Variants in GRID2 observed in about 807,000 individuals in gnomAD.
GRID2 encodes the protein glutamate receptor ionotropic, delta-2.
In GRID2, 33 loss-of-function variants were observed where a neutral mutation model predicts 114.8. The ratio of observed to expected loss-of-function variants is 0.29; its 90% CI spans 0.22 to 0.38. GRID2 has a LOEUF of 0.38. Ranked by LOEUF, GRID2 falls within the 10% of genes least tolerant of loss-of-function variation. GRID2 has a pLI of 1.00. For missense variants in GRID2, 1,184 were observed against 1,257.7 expected (o/e 0.94, Z 0.89); for synonymous variants, 505 against 449.9 (o/e 1.12, Z -1.55).
rs564260285 is a variant in GRID2, at chr4:92,826,340, A to G, written c.244+236054A>G. 6.1e-4 allele frequency among the ~76,000 whole-genome samples: 93 copies of G among 152,146 alleles called. 1 individual carries two copies. The highest frequency in any genetic ancestry group is 2.2e-3 in the African/African-American group (91 of 41,524). On this transcript the variant is annotated intron_variant, in intron 2 of 15. Transcript: ENST00000282020. ...CTCTTTACATTAATCTTCCTCTCTCATTGAGGCTTTTCCTGGATGCACCAT... is the reference window on the plus strand; with the variant it reads ...CTCTTTACATTAATCTTCCTCTCTCGTTGAGGCTTTTCCTGGATGCACCAT...
intron 8 of GRID2, among the ~76,000 whole-genome samples, chr4:93,279,580 T>C (rs1752435955): frequency 6.6e-6 from 1 of 151,930 alleles, no homozygotes. Flanking sequence ...TAATCTATTA[T>C]GAGTCGAGAA....
chr4:93,448,878 C>T (rs1246913810), intron 10 of GRID2, among the ~76,000 whole-genome samples: 2 of 25,954 alleles, frequency 7.7e-5, no homozygotes, highest in Non-Finnish European at 1.3e-4. Context: ...TTCCCCTTCC[C>T]TTCCCCTTCC....
chr4:93,226,528 G>A (rs1316128240), intron 7 of GRID2, among the ~76,000 whole-genome samples: 1 of 152,208 alleles, frequency 6.6e-6, no homozygotes, highest in Non-Finnish European at 1.5e-5. Context: ...CGCTGAGACA[G>A]GGATTGGGCC....
chr4:93,802,117 C>T (rs4327453), intron 1 of GRID2, among the ~76,000 whole-genome samples: 139,127 of 152,300 alleles, frequency 0.91, 63,757 homozygotes, highest in East Asian at 1. Flanking sequence ...GAAGTTCTTT[C>T]TGCCGCAGGG....
At chr4:92,791,794 G>T (rs1159557876) in intron 2 of GRID2, among the ~76,000 whole-genome samples, 4 of 151,896 alleles carry the variant, frequency 2.6e-5, no homozygotes, top group South Asian at 4.1e-4. Context: ...TTTATAAGCA[G>T]TGTTAGTTCC....
chr4:93,603,036 C>T (rs916599948), intron 13 of GRID2, among the ~76,000 whole-genome samples: 1 of 152,088 alleles, frequency 6.6e-6, no homozygotes, highest in Non-Finnish European at 1.5e-5. Flanking sequence ...ATGGTGAAAC[C>T]CTGTCTCTAC....
intron 1 of GRID2, among the ~76,000 whole-genome samples, chr4:92,378,582 A>G (rs762877649): frequency 6.6e-6 from 1 of 152,102 alleles, no homozygotes; most frequent in Non-Finnish European, 1.5e-5. Context: ...AATTTGGACT[A>G]TTCCCTATCT....
intron 1 of GRID2, among the ~76,000 whole-genome samples, chr4:92,584,449 A>G (rs1452640881): frequency 6.6e-6 from 1 of 152,002 alleles, no homozygotes; most frequent in Non-Finnish European, 1.5e-5. Flanking sequence ...AATTCTGAAT[A>G]GCTCTGCAGA....
chr4:92,341,280 T>C (rs556632853), intron 1 of GRID2, among the ~76,000 whole-genome samples: 188 of 152,280 alleles, frequency 1.2e-3, no homozygotes, highest in African/African-American at 4.4e-3. Flanking sequence ...TGCCATGTTA[T>C]GTTACTATTG....
At chr4:92,878,665 T>C (rs1745793748) in intron 2 of GRID2, among the ~76,000 whole-genome samples, 1 of 151,992 alleles carries the variant, frequency 6.6e-6, no homozygotes, top group Admixed American at 6.5e-5. Context: ...TGAATCACAC[T>C]TTTTTCTTTT....
chr4:93,198,240 G>C (rs1741702158), intron 4 of GRID2, among the ~76,000 whole-genome samples: 1 of 152,170 alleles, frequency 6.6e-6, no homozygotes, highest in Non-Finnish European at 1.5e-5. Context: ...AGCACAGAAA[G>C]AGATGGTAAA....
At chr4:93,775,746 C>G (rs1327046043), downstream of GRID2, among the ~76,000 whole-genome samples, 1 of 152,204 alleles carries the variant, frequency 6.6e-6, no homozygotes, top group Admixed American at 6.5e-5. Flanking sequence ...CACATCAGAA[C>G]TTATGCACAG....
chr4:93,655,341 A>T (rs530897097), intron 14 of GRID2, among the ~76,000 whole-genome samples: 11 of 152,332 alleles, frequency 7.2e-5, no homozygotes, highest in South Asian at 4.1e-4. Context: ...CTTTGGGGCA[A>T]TTATATAACT....
intron 2 of GRID2, among the ~76,000 whole-genome samples, chr4:92,896,283 C>A (rs911494264): frequency 6.6e-6 from 1 of 152,082 alleles, no homozygotes; most frequent in Non-Finnish European, 1.5e-5. Flanking sequence ...TTGTATTCAA[C>A]GTGATTTCTT....
chr4:93,206,932 A>T (rs1415861592), intron 4 of GRID2, among the ~76,000 whole-genome samples: 1 of 152,080 alleles, frequency 6.6e-6, no homozygotes, highest in Non-Finnish European at 1.5e-5. Flanking sequence ...TACTTAGTCA[A>T]AACAGTAGAA....
rs1046611749 is a variant in GRID2 at position 92,490,840 on chromosome 4, C to A, written c.89-99291C>A. Among the ~76,000 whole-genome samples the A allele has an allele frequency of 2.6e-5, 4 of 151,964 alleles. No individual in the cohort carries two copies. The South Asian group carries it at 8.3e-4, about 32-fold the overall frequency. Reference sequence around the variant, plus strand: ...AACCTTTAAGAAAAACCAGAAGAAACAAATTTAAAATACCAACAAATGATG... The same window carrying A: ...AACCTTTAAGAAAAACCAGAAGAAAAAAATTTAAAATACCAACAAATGATG... On this transcript the variant is annotated intron_variant, in intron 1 of 15. Transcript: ENST00000282020.
At chr4:93,627,491 A>C (rs567818448) in intron 14 of GRID2, among the ~76,000 whole-genome samples, 1 of 152,308 alleles carries the variant, frequency 6.6e-6, no homozygotes, top group African/African-American at 2.4e-5. Context: ...GATTAATTCT[A>C]AGGTCCTGTA....
intron 2 of GRID2, among the ~76,000 whole-genome samples, chr4:92,809,219 C>T (rs1326183671): frequency 1.3e-5 from 2 of 151,900 alleles, no homozygotes; most frequent in Non-Finnish European, 2.9e-5. Context: ...TCTTAGTTTT[C>T]ATGGCTAAAA....
At chr4:93,574,179 G>A (rs1373466039) in intron 13 of GRID2, among the ~76,000 whole-genome samples, 1 of 152,098 alleles carries the variant, frequency 6.6e-6, no homozygotes, top group Non-Finnish European at 1.5e-5. Context: ...AAATTGAATT[G>A]TACTTCCTCC....
Sources: gnomAD v4.1 joint callset for allele counts (sites outside exome capture counted in the v4.1 genomes callset) on GRCh38, gnomAD v4.1.1 for gene constraint, MANE v1.5 for transcripts, NCBI Gene and HGNC (gene_info 2026-07-23, HGNC 2026-07-21) for gene names.